Variants in CTNNA3 observed in about 807,000 individuals in gnomAD.
The protein encoded by CTNNA3 is catenin alpha 3.
Under a neutral mutation model 95.7 loss-of-function variants are expected in CTNNA3, and 76 were observed. That is an observed-to-expected ratio of 0.79 (90% CI 0.66 to 0.96). The LOEUF is 0.96. Ranked by LOEUF, CTNNA3 falls within the 40% of genes least tolerant of loss-of-function variation. The pLI, the probability that CTNNA3 is intolerant of heterozygous loss-of-function variation, is 0.00. For missense variants in CTNNA3, 1,191 were observed against 1,089.8 expected (o/e 1.09, Z -1.31); for synonymous variants, 431 against 374.4 (o/e 1.15, Z -1.74).
intron 7 of CTNNA3, among the ~76,000 whole-genome samples, chr10:66,942,553 T>G (rs1848054376): frequency 2.1e-5 from 1 of 48,100 alleles, no homozygotes. Context: ...ATAATGTCTC[T>G]CTCTCTCTCT....
chr10:67,396,705 C>A (rs1412864283), intron 5 of CTNNA3, among the ~76,000 whole-genome samples: 1 of 152,144 alleles, frequency 6.6e-6, no homozygotes, highest in Non-Finnish European at 1.5e-5. Flanking sequence ...TATGGTTTGG[C>A]TCTGTCCCCA....
chr10:66,282,270 TG>T (rs1416916099), intron 12 of CTNNA3, among the ~76,000 whole-genome samples: 1 of 151,882 alleles, frequency 6.6e-6, no homozygotes, highest in East Asian at 1.9e-4. Flanking sequence ...CTCTTATATA[TG>T]GATGTGACTC....
At chr10:67,041,537 C>T (rs1035692418) in intron 7 of CTNNA3, among the ~76,000 whole-genome samples, 9 of 152,144 alleles carry the variant, frequency 5.9e-5, no homozygotes, top group Admixed American at 2.6e-4. Flanking sequence ...AGTTTTCAGA[C>T]GCAGTTTGGA....
intron 7 of CTNNA3, among the ~76,000 whole-genome samples, chr10:67,161,957 T>G (rs1220673051): frequency 6.6e-6 from 1 of 151,734 alleles, no homozygotes; most frequent in Non-Finnish European, 1.5e-5. Context: ...ATATTAAGAG[T>G]CAATCCTTCA....
At chr10:66,599,841 A>G (rs1056265180) in intron 10 of CTNNA3, among the ~76,000 whole-genome samples, 1 of 151,924 alleles carries the variant, frequency 6.6e-6, no homozygotes, top group African/African-American at 2.4e-5. Flanking sequence ...CTTCAACATC[A>G]CCACCAAAAA....
chr10:67,183,705 T>A (rs988631186), intron 6 of CTNNA3, among the ~76,000 whole-genome samples: 3 of 151,332 alleles, frequency 2.0e-5, no homozygotes, highest in Admixed American at 6.6e-5. Context: ...AATAAATAAA[T>A]AAAAAATAAA....
chr10:66,631,221 G>T (rs574944491), intron 9 of CTNNA3, among the ~76,000 whole-genome samples: 1 of 152,264 alleles, frequency 6.6e-6, no homozygotes, highest in South Asian at 2.1e-4. Flanking sequence ...CCATCTATAA[G>T]ATGAGGAACA....
chr10:66,501,907 G>A (rs1589341956), intron 11 of CTNNA3, among the ~76,000 whole-genome samples: 1 of 152,090 alleles, frequency 6.6e-6, no homozygotes, highest in Admixed American at 6.6e-5. Context: ...AGGTAACACA[G>A]GGGACATCAA....
At chr10:66,125,182 C>T (rs1305804284) in intron 13 of CTNNA3, among the ~76,000 whole-genome samples, 4 of 151,938 alleles carry the variant, frequency 2.6e-5, no homozygotes, top group African/African-American at 9.7e-5. Context: ...ATCAGAGAAG[C>T]ACTAAATGAA....
At chr10:66,796,970 T>A (rs1477132154) in intron 7 of CTNNA3, among the ~76,000 whole-genome samples, 3 of 152,076 alleles carry the variant, frequency 2.0e-5, no homozygotes, top group Non-Finnish European at 4.4e-5. Flanking sequence ...TTCGTAATTA[T>A]CTTTCAGTTT....
chr10:66,313,361 A>G (rs2092050926), intron 12 of CTNNA3, among the ~76,000 whole-genome samples: 2 of 152,158 alleles, frequency 1.3e-5, no homozygotes, highest in African/African-American at 4.8e-5. Context: ...TGAACTTACC[A>G]ACTCTTCACC....
chr10:66,258,270 T>TA (rs1415605798), intron 13 of CTNNA3, among the ~76,000 whole-genome samples: 1 of 152,158 alleles, frequency 6.6e-6, no homozygotes, highest in Non-Finnish European at 1.5e-5. Context: ...AAGGTACAAA[T>TA]ATTCACAGAA....
At chr10:66,515,458 C>A (rs370769702) in intron 11 of CTNNA3, among the ~76,000 whole-genome samples, 6 of 151,962 alleles carry the variant, frequency 3.9e-5, no homozygotes, top group Admixed American at 2.0e-4. Flanking sequence ...AACACAGATA[C>A]GCTAAGAACT....
intron 15 of CTNNA3, among the ~76,000 whole-genome samples, chr10:66,005,975 A>G (rs1005239618): frequency 6.7e-6 from 1 of 150,118 alleles, no homozygotes; most frequent in African/African-American, 2.5e-5. Context: ...GCCTTTCCAG[A>G]CTCATATGAG....
intron 12 of CTNNA3, among the ~76,000 whole-genome samples, chr10:66,342,617 CTT>C (rs1261157708): frequency 1.3e-5 from 2 of 151,946 alleles, no homozygotes; most frequent in Admixed American, 6.6e-5. Flanking sequence ...GAGAGCTTCT[CTT>C]ATATAACATT....
At chr10:66,257,936 T>A (rs2090853609) in intron 13 of CTNNA3, among the ~76,000 whole-genome samples, 1 of 152,186 alleles carries the variant, frequency 6.6e-6, no homozygotes, top group African/African-American at 2.4e-5. Flanking sequence ...TAAGGATGAC[T>A]TTTTCTGCAT....
chr10:67,304,916 GGA>G (rs1218978883), intron 5 of CTNNA3, among the ~76,000 whole-genome samples: 1 of 151,912 alleles, frequency 6.6e-6, no homozygotes, highest in African/African-American at 2.4e-5. Flanking sequence ...GAAGGAGTGA[GGA>G]TAAGGGAAGA....
At chr10:66,779,553 G>A (rs1319441164) in intron 7 of CTNNA3, among the ~76,000 whole-genome samples, 1 of 151,334 alleles carries the variant, frequency 6.6e-6, no homozygotes, top group Non-Finnish European at 1.5e-5. Flanking sequence ...AGTAGAGGTG[G>A]GTTTTCACCA....
At chr10:66,442,375 A>C (rs35365024) in intron 11 of CTNNA3, among the ~76,000 whole-genome samples, 58,022 of 151,906 alleles carry the variant, frequency 0.38, 11,638 homozygotes, top group African/African-American at 0.5. Flanking sequence ...AAAGTTCTTC[A>C]AAAGCTCTTG....
Sources: allele counts gnomAD v4.1 joint callset (sites outside exome capture counted in the v4.1 genomes callset), GRCh38; gene constraint gnomAD v4.1.1; transcripts MANE v1.5; gene names NCBI Gene and HGNC (gene_info 2026-07-23, HGNC 2026-07-21).